CFAP251: variants seen among roughly 807,000 people sequenced by gnomAD.
CFAP251 encodes cilia and flagella associated protein 251, also known as cilia- and flagella-associated protein 251.
A neutral mutation model predicts 126.7 loss-of-function variants in CFAP251; 93 were observed. The ratio of observed to expected loss-of-function variants is 0.73; its 90% CI spans 0.62 to 0.87. The LOEUF (loss-of-function observed/expected upper bound fraction) is 0.87. Among genes scored for constraint, CFAP251 ranks in the 40% least tolerant of loss-of-function variants. CFAP251 has a pLI of 0.00. For synonymous variants in CFAP251, 503 were observed against 506.9 expected (o/e 0.99, Z 0.10); for missense variants, 1,287 against 1,389.2 (o/e 0.93, Z 1.17).
chr12:121,993,887 G>A (rs1882953170), intron 19 of CFAP251, among the ~76,000 whole-genome samples: 3 of 124,112 alleles, frequency 2.4e-5, no homozygotes, highest in Non-Finnish European at 3.5e-5. Context: ...CCCCGTCCGG[G>A]AGGTGAGGGG....
At chr12:121,997,570 G>A (rs1883048408) in intron 19 of CFAP251, 1 of 142,962 alleles carries the variant, frequency 7.0e-6, no homozygotes, top group Non-Finnish European at 1.5e-5. Flanking sequence ...ATTTACTTAT[G>A]TTTTCTTTAG....
intron 19 of CFAP251, among the ~76,000 whole-genome samples, chr12:121,983,363 C>T (rs549404258): frequency 6.8e-6 from 1 of 147,798 alleles, no homozygotes; most frequent in Admixed American, 6.8e-5. Context: ...CTGTGAATAG[C>T]TACTGTCCTC....
intron 12 of CFAP251, 108 bp from the exon 13 acceptor site, chr12:121,958,835 T>C (rs1881827125): frequency 7.6e-7 from 1 of 1,320,696 alleles, no homozygotes; most frequent in Admixed American, 2.4e-5. Flanking sequence ...GGGAGCTTTG[T>C]TGTGTTAGTT....
At chr12:121,966,034 C>T (rs1274089342) in intron 15 of CFAP251, among the ~76,000 whole-genome samples, 1 of 151,962 alleles carries the variant, frequency 6.6e-6, no homozygotes, top group Non-Finnish European at 1.5e-5. Context: ...GCAATCCTCC[C>T]ACCTTAGCCT....
intron 16 of CFAP251, among the ~76,000 whole-genome samples, chr12:121,967,415 A>C (rs1372239179): frequency 3.9e-5 from 6 of 152,170 alleles, no homozygotes; most frequent in Non-Finnish European, 7.4e-5. Flanking sequence ...GAAAAGTGTA[A>C]AGTCGGGCCA....
chr12:122,002,052 A>ATC (rs1285295976), intron 21 of CFAP251: 1 of 185,502 alleles, frequency 5.4e-6, no homozygotes, highest in Non-Finnish European at 1.2e-5. Flanking sequence ...GCGAGATCCC[A>ATC]TCTCTACAAA....
intron 12 of CFAP251, 92 bp downstream of exon 12, chr12:121,958,614 C>T (rs1881813781): frequency 6.4e-7 from 1 of 1,562,460 alleles, no homozygotes; most frequent in Admixed American, 1.8e-5. Context: ...CAGGAAGTCT[C>T]CCCGACTCCA....
At position 121,928,672 on chromosome 12, in the gene CFAP251, A is replaced by G. The variant is rs1257125695; in HGVS notation, c.748-3074A>G. 8.8e-3 allele frequency among the ~76,000 whole-genome samples: 169 copies of G among 19,298 alleles called. 6 individuals are homozygous for G. Among genetic ancestry groups the G allele is most frequent in the Middle Eastern group, 0.067 (2 of 30 alleles). The allele number at this position is 19,298 out of a possible 152,430, so 12.7% of individuals were successfully genotyped here. On this transcript the variant is annotated intron_variant, in intron 3 of 21. Transcript: ENST00000288912. ...TATATATATACGTATATATATACGT[A>G]TATATATATATATATACGTATATAT...
rs189912131 is a variant in CFAP251 at position 121,959,114 on chromosome 12, A to G, written c.2133+20A>G. Reference sequence around the variant, plus strand: ...ACTGCTGTAAGTATTTTCATGGACAACCCATCCAGTGGCTTAGCAATTTTA... The same window carrying G: ...ACTGCTGTAAGTATTTTCATGGACAGCCCATCCAGTGGCTTAGCAATTTTA... On this transcript the variant is annotated intron_variant, in intron 13 of 21. Transcript: ENST00000288912. The G allele has an allele frequency of 1.8e-4, 288 of 1,568,666 alleles. No individual in the cohort carries two copies. In the African/African-American group the frequency reaches 3.4e-3, roughly 18 times the overall value.
In CFAP251 at chr12:121,923,629, A is replaced by G. The variant is rs1201940073; in HGVS notation, c.386A>G (p.Gln129Arg). Residue 129 changes from glutamine to arginine, a missense_variant, in exon 3 of 22, where the codon CAA becomes CGA. Transcript: ENST00000288912. ...TTTTATTTCTTTTTAAAGAAAACCC[A>G]AAGAGGTAGCAAGTCAAAGCTTTCC... ...SITSGIFPKT[Q>R]RGSKSKLSLQ... 8.1e-6 allele frequency: 13 copies of G among 1,603,290 alleles called. No individual in the cohort carries two copies. The highest frequency in any genetic ancestry group is 2.2e-5 in the East Asian group (1 of 44,844).
intron 20 of CFAP251, among the ~76,000 whole-genome samples, chr12:122,001,212 C>A (rs979681361): frequency 1.3e-5 from 2 of 151,720 alleles, no homozygotes; most frequent in African/African-American, 4.8e-5. Context: ...CGCGCCACCA[C>A]ACCCGGCTAA....
chr12:121,945,670 ATTT>A (rs1029574588), intron 7 of CFAP251, among the ~76,000 whole-genome samples: 2 of 140,276 alleles, frequency 1.4e-5, no homozygotes, highest in African/African-American at 5.4e-5. Context: ...TTTCATTTTT[ATTT>A]ATTTATTTTT....
chr12:121,960,823 G>A (rs989417287), intron 14 of CFAP251, 65 bp downstream of exon 14: 14 of 1,563,644 alleles, frequency 9.0e-6, no homozygotes, highest in Admixed American at 3.4e-5. Flanking sequence ...GACATCCCTG[G>A]CATCTTGCAT....
intron 5 of CFAP251, among the ~76,000 whole-genome samples, chr12:121,940,563 G>A (rs1881070886): frequency 6.6e-6 from 1 of 152,150 alleles, no homozygotes; most frequent in Non-Finnish European, 1.5e-5. Context: ...AAAGAACCAT[G>A]TGACCCGCAT....
chr12:121,919,753 G>T (rs1209598794), intron 1 of CFAP251, among the ~76,000 whole-genome samples: 1 of 152,024 alleles, frequency 6.6e-6, no homozygotes, highest in Non-Finnish European at 1.5e-5. Context: ...GCTAATATGT[G>T]GGTTATGCAT....
rs562327755 is a variant in CFAP251 at position 121,974,862 on chromosome 12, C to A, written c.2772-382C>A. ...AATATCCCATTCTTTTGACTCTGAT[C>A]GTTCGTGGATCTAAAGTTACGGGTA... On this transcript the variant is annotated intron_variant, in intron 17 of 21. Coordinates refer to ENST00000288912, the MANE Select transcript of CFAP251 (RefSeq NM_144668.6). This position sits in a 1 kb window ranked among gnomAD's most constrained non-coding sequence, Gnocchi z 4.6. 6.6e-6 allele frequency among the ~76,000 whole-genome samples: 1 copy of A among 152,120 alleles called. No homozygotes were observed. The highest frequency in any genetic ancestry group is 1.5e-5 in the Non-Finnish European group (1 of 68,022).
In CFAP251 at chr12:121,989,183, G is replaced by T. The variant is rs1409270503; in HGVS notation, c.3007-10533G>T. The stretch of plus-strand genomic sequence containing the variant: ...GGTGCAAGACTTGTCATTCAGCTAG[G>T]ACTGTCTCTTTCAGACCTTTGAAAA... On this transcript the variant is annotated intron_variant, in intron 19 of 21. Transcript: ENST00000288912. The surrounding 1 kb of genome is among the most constrained non-coding windows in gnomAD (Gnocchi z 4.2). Among the ~76,000 whole-genome samples, 1 of 152,208 alleles carries T rather than the reference G, an allele frequency of 6.6e-6. No homozygotes were observed. The highest frequency in any genetic ancestry group is 2.4e-5 in the African/African-American group (1 of 41,440).
rs1040894727 is a variant in CFAP251, at chr12:121,966,835, T to C, written c.2493-120T>C. The stretch of plus-strand genomic sequence containing the variant: ...TCCTGACCTTGTGATCCGCCTGCCT[T>C]GGCCTCCCGAAGTGCTGGGATTACA... On this transcript the variant is annotated intron_variant, in intron 15 of 21. Coordinates refer to ENST00000288912, the MANE Select transcript of CFAP251 (RefSeq NM_144668.6). 1.0e-4 allele frequency: 82 copies of C among 790,824 alleles called. 2 individuals are homozygous for C. Among genetic ancestry groups the C allele is most frequent in the Admixed American group, 7.0e-4 (31 of 44,536 alleles). The allele number at this position is 790,824 out of a possible 1,614,324, so 49.0% of individuals were successfully genotyped here. A position where few individuals can be genotyped will look rare whatever the true frequency, so the allele number is the denominator to read the frequency against.
chr12:121,986,590 C>T (rs1376309845), intron 19 of CFAP251, among the ~76,000 whole-genome samples: 6 of 151,408 alleles, frequency 4.0e-5, no homozygotes, highest in Non-Finnish European at 4.4e-5. Context: ...TGAGCCACCG[C>T]GCCCAGCCGA....
Sources: allele counts gnomAD v4.1 joint callset (sites outside exome capture counted in the v4.1 genomes callset), GRCh38; gene constraint gnomAD v4.1.1; non-coding constraint Gnocchi (gnomAD v3.1); transcripts MANE v1.5; gene names NCBI Gene and HGNC (gene_info 2026-07-23, HGNC 2026-07-21).